KCTD4: variants seen among roughly 807,000 people sequenced by gnomAD.
KCTD4 encodes potassium channel tetramerization domain containing 4.
KCTD4 carries 12 observed loss-of-function variants against 18.3 expected under a neutral mutation model. The ratio of observed to expected loss-of-function variants is 0.66; its 90% CI spans 0.42 to 1.06. The LOEUF (loss-of-function observed/expected upper bound fraction) is 1.06, where lower values mean the gene tolerates loss of function less well. KCTD4 is among the 50% of genes least tolerant of loss of function. The pLI is 0.00. For missense variants in KCTD4, 250 were observed against 303.4 expected, an observed-to-expected ratio of 0.82 and a Z score of 1.31; for synonymous variants, 124 against 110.5, an observed-to-expected ratio of 1.12 and a Z score of -0.76.
In KCTD4 at chr13:45,194,144, A is replaced by G. The variant is rs1484545008; in HGVS notation, c.424T>C (p.Phe142Leu). Residue 142 changes from phenylalanine (F) to leucine (L), a missense_variant, in exon 2 of 2, where the codon TTC (phenylalanine) becomes CTC (leucine). Phe to Leu is a conservative substitution (Grantham distance 22, BLOSUM62 0). Coordinates refer to ENST00000379108, the MANE Select transcript of KCTD4 (RefSeq NM_198404.3). ...KEQLTPRETT[F>L]LEITDNHDRS... ...TCGTGGTTATCTGTTATTTCCAAGA[A>G]AGTAGTCTCTCTGGGTGTTAGCTGT... 1.9e-6 allele frequency: 3 copies of G among 1,613,984 alleles called. No homozygotes were observed. The African/African-American group carries it at 4.0e-5, about 22-fold the overall frequency.
At chr13:45,200,587 C>T (rs1429404954) in intron 1 of KCTD4, among the ~76,000 whole-genome samples, 2 of 152,146 alleles carry the variant, frequency 1.3e-5, no homozygotes, top group South Asian at 2.1e-4. Context: ...AGCCACCATG[C>T]GTGGCAAAAT....
At chr13:45,200,435 T>C (rs1461789079) in intron 1 of KCTD4, among the ~76,000 whole-genome samples, 1 of 152,168 alleles carries the variant, frequency 6.6e-6, no homozygotes, top group Non-Finnish European at 1.5e-5. Context: ...AACTCCCGTA[T>C]AGTTGGGGCC....
At chr13:45,197,341 T>C (rs1414575514) in intron 1 of KCTD4, among the ~76,000 whole-genome samples, 1 of 137,112 alleles carries the variant, frequency 7.3e-6, no homozygotes, top group East Asian at 2.2e-4. Context: ...TACCAAAAAT[T>C]AAAAAAAAAA....
At chr13:45,198,714 T>C (rs923387338) in intron 1 of KCTD4, among the ~76,000 whole-genome samples, 21 of 152,194 alleles carry the variant, frequency 1.4e-4, no homozygotes, top group African/African-American at 5.1e-4. Context: ...TTTTGTTTTT[T>C]TGTTTATTGA....
Position 45,193,747 on chromosome 13 carries a change from G to A in KCTD4, c.*41C>T. The A allele has an allele frequency of 1.3e-6, 2 of 1,532,370 alleles. No homozygotes were observed. The highest frequency in any genetic ancestry group is 1.4e-5 in the African/African-American group (1 of 72,130). The allele number at this position is 1,532,370 out of a possible 1,614,324, so 94.9% of individuals were successfully genotyped here. On this transcript the variant is annotated 3_prime_UTR_variant, in exon 2 of 2. Coordinates refer to ENST00000379108, the MANE Select transcript of KCTD4 (RefSeq NM_198404.3). ...TTGATGCTGTGGTTTTCCGAAGCTT[G>A]CTGGCTGCATGCTTGTTGCCTTTGT...
At chr13:45,197,721 A>G (rs1417593065) in intron 1 of KCTD4, among the ~76,000 whole-genome samples, 3 of 152,016 alleles carry the variant, frequency 2.0e-5, no homozygotes, top group Non-Finnish European at 4.4e-5. Context: ...GGGGGTGGCG[A>G]GTGGGTGTTG....
At chr13:45,197,032 T>C (rs1373078323) in intron 1 of KCTD4, among the ~76,000 whole-genome samples, 1 of 151,922 alleles carries the variant, frequency 6.6e-6, no homozygotes, top group Non-Finnish European at 1.5e-5. Flanking sequence ...TTGATTGTTT[T>C]TTCTCACTCT....
At chr13:45,196,682 C>T (rs1041221029) in intron 1 of KCTD4, among the ~76,000 whole-genome samples, 2 of 152,168 alleles carry the variant, frequency 1.3e-5, no homozygotes, top group Non-Finnish European at 2.9e-5. Context: ...ACTGTGCTAG[C>T]ATGTTCTTGT....
intron 1 of KCTD4, among the ~76,000 whole-genome samples, chr13:45,198,484 G>T (rs912014371): frequency 7.2e-5 from 11 of 152,138 alleles, no homozygotes; most frequent in Admixed American, 3.9e-4. Flanking sequence ...AAAAGGAATG[G>T]TTTTAGAAGC....
intron 1 of KCTD4, among the ~76,000 whole-genome samples, chr13:45,198,840 T>C (rs1261838550): frequency 6.6e-6 from 1 of 152,134 alleles, no homozygotes; most frequent in Non-Finnish European, 1.5e-5. Context: ...CATTTTGATA[T>C]TGAGGTATGA....
intron 1 of KCTD4, among the ~76,000 whole-genome samples, chr13:45,197,087 T>C (rs922347281): frequency 2.6e-5 from 4 of 151,934 alleles, no homozygotes; most frequent in African/African-American, 9.7e-5. Flanking sequence ...ATGTGTGATT[T>C]CTTTGCCACC....
Position 45,195,244 on chromosome 13 carries a change from AT to A in KCTD4, c.-187-491del, listed in dbSNP as rs1266864891. Among the ~76,000 whole-genome samples the A allele has an allele frequency of 3.9e-5, 6 of 151,906 alleles. No homozygotes were observed. In the East Asian group the frequency reaches 7.7e-4, roughly 19 times the overall value. On this transcript the variant is annotated intron_variant, in intron 1 of 1. Coordinates refer to ENST00000379108, the MANE Select transcript of KCTD4 (RefSeq NM_198404.3). ...AGATCTATGTTAAAGGATGTTAAGA[AT>A]TTTTTTTATTTTTTATTTTTTATTA...
At chr13:45,199,423 T>G (rs1055485214) in intron 1 of KCTD4, among the ~76,000 whole-genome samples, 1 of 152,266 alleles carries the variant, frequency 6.6e-6, no homozygotes, top group Non-Finnish European at 1.5e-5. Context: ...TATTAATTCA[T>G]GTTTTACATG....
rs548671277 is a variant in KCTD4, at chr13:45,196,758, T to C, written c.-187-2004A>G. ...CTGCTTCCTTACACCCTGTTTGGCC[T>C]GTCTATAGATGTCTTCATGGGAAGC... is the stretch of plus-strand genomic sequence containing the variant. On this transcript the variant is annotated intron_variant, in intron 1 of 1. Coordinates refer to ENST00000379108, the MANE Select transcript of KCTD4 (RefSeq NM_198404.3). Among the ~76,000 whole-genome samples, 3 of 152,314 alleles carry C rather than the reference T, an allele frequency of 2.0e-5. No individual in the cohort carries two copies. In the South Asian group the frequency reaches 6.2e-4, roughly 32 times the overall value.
At chr13:45,195,715 A>G (rs1872858149) in intron 1 of KCTD4, among the ~76,000 whole-genome samples, 1 of 152,222 alleles carries the variant, frequency 6.6e-6, no homozygotes, top group Non-Finnish European at 1.5e-5. Context: ...TCTAGCATTT[A>G]AAGGCTCAGT....
Position 45,193,769 on chromosome 13 carries a change from T to A in KCTD4, c.*19A>T, listed in dbSNP as rs777188983. 36 of 1,550,666 alleles carry A rather than the reference T, an allele frequency of 2.3e-5. No homozygotes were observed. The highest frequency in any genetic ancestry group is 3.1e-5 in the Non-Finnish European group (36 of 1,153,178). On this transcript the variant is annotated 3_prime_UTR_variant, in exon 2 of 2. Transcript: ENST00000379108. ...CTTGCTGGCTGCATGCTTGTTGCCT[T>A]TGTTCGTGACACAGGTAATTACTTG...
rs756060711 is a variant in KCTD4, at chr13:45,194,088, A to G, written c.480T>C (p.Asn160=). 4 of 1,614,040 alleles carry G rather than the reference A, an allele frequency of 2.5e-6. No individual in the cohort carries two copies. Among genetic ancestry groups the G allele is most frequent in the East Asian group, 2.2e-5 (1 of 44,890 alleles). The change falls in exon 2 of 2, where the codon AAT becomes AAC. Residue 160 remains asparagine (N), a synonymous_variant. Coordinates refer to ENST00000379108, the MANE Select transcript of KCTD4 (RefSeq NM_198404.3). ...DRSQGLRIFC[N]APDFISKIKS... is the part of the protein sequence containing the mutation. ...TTATTTTTGATATGAAATCAGGAGC[A>G]TTACAGAAGATTCTTAATCCTTGTG...
chr13:45,193,983 T>C lies in KCTD4; in HGVS notation c.585A>G (p.Gln195=), dbSNP rs779758432. The change falls in exon 2 of 2, where the codon CAA becomes CAG. Residue 195 remains glutamine, a synonymous_variant. Transcript: ENST00000379108. ...EEFSISSNII[Q]FKYFIKSENG... ...TTTCAGACTTTATGAAGTATTTAAA[T>C]TGGATGATATTTGACGATATTGAAA... 1.9e-5 allele frequency: 31 copies of C among 1,613,948 alleles called. No individual in the cohort carries two copies. The highest frequency in any genetic ancestry group is 2.5e-5 in the Non-Finnish European group (29 of 1,179,936).
rs781332329 is a variant in KCTD4 at position 45,193,779 on chromosome 13, CACAGGTAATT to C, written c.779_*8del. The stretch of plus-strand genomic sequence containing the variant: ...GCATGCTTGTTGCCTTTGTTCGTGA[CACAGGTAATT>C]ACTTGATAAAATGAAGTGCATCGCT... On this transcript the variant is annotated stop_lost and 3_prime_UTR_variant, in exon 2 of 2. Transcript: ENST00000379108. 1 of 1,561,984 alleles carries C rather than the reference CACAGGTAATT, an allele frequency of 6.4e-7. No individual in the cohort carries two copies. The highest frequency in any genetic ancestry group is 2.0e-5 in the Admixed American group (1 of 49,292).
Sources: gnomAD v4.1 joint callset for allele counts (sites outside exome capture counted in the v4.1 genomes callset) on GRCh38, gnomAD v4.1.1 for gene constraint, MANE v1.5 for transcripts, NCBI Gene and HGNC (gene_info 2026-07-23, HGNC 2026-07-21) for gene names.